MPHOSPH9: variants seen among roughly 807,000 people sequenced by gnomAD.
MPHOSPH9 encodes the protein M-phase phosphoprotein 9.
MPHOSPH9 carries 88 observed loss-of-function variants against 145.5 expected under a neutral mutation model. That is an observed-to-expected ratio of 0.60 (90% confidence interval 0.51 to 0.72). The LOEUF (loss-of-function observed/expected upper bound fraction) is 0.72, where lower values mean the gene tolerates loss of function less well. Among genes scored for constraint, MPHOSPH9 ranks in the 30% least tolerant of loss-of-function variants. The pLI is 0.00. For synonymous variants in MPHOSPH9, 435 were observed against 486.2 expected (o/e 0.89, Z 1.39); for missense variants, 1,238 against 1,386.6 (o/e 0.89, Z 1.70).
chr12:123,162,766 TA>T, intron 20 of MPHOSPH9: 1 of 385,998 alleles, frequency 2.6e-6, no homozygotes, highest in East Asian at 4.3e-5. Flanking sequence ...TCATTCTACA[TA>T]CAAAAGCTGA....
chr12:123,198,569 G>A (rs558417047), intron 11 of MPHOSPH9, among the ~76,000 whole-genome samples: 51 of 152,106 alleles, frequency 3.4e-4, no homozygotes, highest in African/African-American at 9.4e-4. Context: ...TAACACTTTG[G>A]GAGGCTGAGG....
chr12:123,169,452 T>C (rs1478142200), intron 16 of MPHOSPH9, among the ~76,000 whole-genome samples: 6 of 150,926 alleles, frequency 4.0e-5, no homozygotes, highest in Non-Finnish European at 1.5e-5. Flanking sequence ...TGAGCCGAGA[T>C]TGCACCACTG....
upstream of MPHOSPH9, among the ~76,000 whole-genome samples, chr12:123,237,000 G>A (rs1438353030): frequency 6.6e-6 from 1 of 152,176 alleles, no homozygotes; most frequent in African/African-American, 2.4e-5. Flanking sequence ...CAGGAGAATT[G>A]CTTGAATCTG....
At chr12:123,240,759 A>C (rs2047922145) in intron 1 of MPHOSPH9, 1 of 132,102 alleles carries the variant, frequency 7.6e-6, no homozygotes. Context: ...TTTGAGAAAA[A>C]GTCTCACTCT....
At chr12:123,161,085 A>G (rs1322995719) in intron 22 of MPHOSPH9, 51 bp downstream of exon 22, 1 of 1,591,710 alleles carries the variant, frequency 6.3e-7, no homozygotes, top group African/African-American at 1.3e-5. Context: ...CTCCTTAGAC[A>G]TAAGCATTAA....
At chr12:123,172,391 G>A (rs1053771330) in intron 16 of MPHOSPH9, among the ~76,000 whole-genome samples, 42 of 151,790 alleles carry the variant, frequency 2.8e-4, no homozygotes, top group African/African-American at 9.4e-4. Context: ...GGAATGCAGT[G>A]GTGTAATCTT....
intron 15 of MPHOSPH9, among the ~76,000 whole-genome samples, chr12:123,179,716 TAAA>T (rs11380874): frequency 7.8e-6 from 1 of 128,764 alleles, no homozygotes; most frequent in Non-Finnish European, 1.6e-5. Context: ...CCTGTCTCTT[TAAA>T]AAAAAAAAAA....
chr12:123,176,161 T>C (rs1166076556), intron 16 of MPHOSPH9, among the ~76,000 whole-genome samples: 1 of 152,120 alleles, frequency 6.6e-6, no homozygotes. Context: ...ACCCAAATCA[T>C]AATAAAATTC....
In MPHOSPH9 at chr12:123,223,044, T is replaced by C. The variant is rs2047279569; in HGVS notation, c.342A>G (p.Gln114=). 1 of 1,516,104 alleles carries C rather than the reference T, an allele frequency of 6.6e-7. No individual in the cohort carries two copies. Among genetic ancestry groups the C allele is most frequent in the Non-Finnish European group, 8.8e-7 (1 of 1,137,556 alleles). 93.9% of individuals were successfully genotyped at this position (1,516,104 alleles called of 1,614,324 possible). ...AATGTAAATGGTAACTTACTTGAAT[T>C]TGGTTGTGGAACTGCTCCTGCTGGG... ...IVAQQEQFHN[Q]IQHIQEEIKN... Residue 114 remains glutamine (Q), a synonymous_variant, in exon 4 of 24, where the codon CAA becomes CAG. Transcript: ENST00000606320.
chr12:123,166,803 A>G lies in MPHOSPH9; in HGVS notation c.2457-14T>C, dbSNP rs2044341069. On this transcript the variant is annotated splice_polypyrimidine_tract_variant and intron_variant, in intron 16 of 23. Coordinates refer to ENST00000606320, the MANE Select transcript of MPHOSPH9 (RefSeq NM_022782.4). ...GTTGCTAGTGTGCTATTAGAATGAA[A>G]ACGGTCAGGCATTATAAAGGTCTGC... is the stretch of plus-strand genomic sequence containing the variant. 7 of 1,609,246 alleles carry G rather than the reference A, an allele frequency of 4.3e-6. No homozygotes were observed. Among genetic ancestry groups the G allele is most frequent in the African/African-American group, 1.3e-5 (1 of 74,544 alleles).
intron 17 of MPHOSPH9, 50 bp downstream of exon 17, chr12:123,166,605 C>CT: frequency 6.3e-7 from 1 of 1,589,154 alleles, no homozygotes; most frequent in Non-Finnish European, 8.5e-7. Context: ...ATTGAAATCT[C>CT]TAAGAAAACA....
At chr12:123,163,925 A>C in intron 19 of MPHOSPH9, 25 bp downstream of exon 19, 1 of 1,612,760 alleles carries the variant, frequency 6.2e-7, no homozygotes, top group Non-Finnish European at 8.5e-7. Flanking sequence ...TTTGAACCCA[A>C]GAGATGTACA....
At chr12:123,217,278 A>G (rs2047009738) in intron 6 of MPHOSPH9, among the ~76,000 whole-genome samples, 1 of 151,610 alleles carries the variant, frequency 6.6e-6, no homozygotes, top group African/African-American at 2.4e-5. Flanking sequence ...GCTCACTGCA[A>G]CCTCTGTCTC....
intron 13 of MPHOSPH9, among the ~76,000 whole-genome samples, chr12:123,189,414 C>A (rs1464051562): frequency 2.0e-5 from 3 of 152,132 alleles, no homozygotes; most frequent in Non-Finnish European, 2.9e-5. Flanking sequence ...TAGAACAATA[C>A]CCTAGAGGCG....
intron 7 of MPHOSPH9, among the ~76,000 whole-genome samples, chr12:123,213,345 AT>A (rs201607603): frequency 1.3e-4 from 19 of 149,012 alleles, no homozygotes; most frequent in Admixed American, 2.0e-4. Context: ...TGCATTTTCA[AT>A]TTTTTTTTTT....
rs1256700262 is a variant in MPHOSPH9, at chr12:123,162,181, C to T, written c.3067G>A (p.Val1023Met). 1.3e-6 allele frequency: 2 copies of T among 1,573,858 alleles called. No homozygotes were observed. The highest frequency in any genetic ancestry group is 1.2e-5 in the South Asian group (1 of 82,202). ...ILLDDLDTVP[V>M]STLQRTNPRK... ...GGATTGGTACGTTGTAATGTAGACA[C>T]AGGAACAGTATCTAAATCATCCAAA... Residue 1023 changes from valine to methionine, a missense_variant, in exon 21 of 24, where the codon GTG (valine) becomes ATG (methionine). Physicochemically the swap from Val to Met is conservative, Grantham distance 21. Coordinates refer to ENST00000606320, the MANE Select transcript of MPHOSPH9 (RefSeq NM_022782.4).
chr12:123,186,832 G>A (rs1011442948), intron 13 of MPHOSPH9, among the ~76,000 whole-genome samples: 4 of 152,020 alleles, frequency 2.6e-5, no homozygotes, highest in Non-Finnish European at 4.4e-5. Flanking sequence ...ATGGTGGCAC[G>A]CGCCTGTAAC....
At chr12:123,236,112 A>T (rs2047846765), upstream of MPHOSPH9, among the ~76,000 whole-genome samples, 2 of 152,046 alleles carry the variant, frequency 1.3e-5, no homozygotes, top group Admixed American at 1.3e-4. Flanking sequence ...AAGGAAAAGG[A>T]GCTAACATTG....
intron 17 of MPHOSPH9, 46 bp downstream of exon 17, chr12:123,166,609 G>C (rs2044331401): frequency 6.3e-7 from 1 of 1,591,710 alleles, no homozygotes; most frequent in African/African-American, 1.4e-5. Flanking sequence ...AAATCTCTAA[G>C]AAAACATAAC....
Sources: gnomAD v4.1 joint callset for allele counts (sites outside exome capture counted in the v4.1 genomes callset) on GRCh38, gnomAD v4.1.1 for gene constraint, MANE v1.5 for transcripts, NCBI Gene and HGNC (gene_info 2026-07-23, HGNC 2026-07-21) for gene names.